The following PTPRD variants were observed in gnomAD, a reference collection of about 807,000 sequenced individuals.
PTPRD encodes the protein receptor-type tyrosine-protein phosphatase delta.
In PTPRD, 34 loss-of-function variants were observed where a neutral mutation model predicts 214.5. The observed-to-expected ratio is 0.16, with a 90% CI of 0.12 to 0.21. The LOEUF (loss-of-function observed/expected upper bound fraction) is 0.21, where lower values mean the gene tolerates loss of function less well. PTPRD is among the 10% of genes least tolerant of loss of function. PTPRD has a pLI of 1.00. For missense variants in PTPRD, 2,545 were observed against 2,398.7 expected (o/e 1.06, Z -1.27); for synonymous variants, 1,128 against 845.7 (o/e 1.33, Z -5.79).
chr9:9,976,122 C>A (rs996404719), intron 4 of PTPRD, among the ~76,000 whole-genome samples: 39 of 152,194 alleles, frequency 2.6e-4, no homozygotes, highest in East Asian at 3.9e-4. Flanking sequence ...ATTTTCAGAT[C>A]CCCCACATCC....
intron 11 of PTPRD, among the ~76,000 whole-genome samples, chr9:8,872,318 G>C (rs2098314796): frequency 6.6e-6 from 1 of 152,158 alleles, no homozygotes; most frequent in African/African-American, 2.4e-5. Context: ...GAGCAACTGT[G>C]TGTGATATGA....
intron 3 of PTPRD, among the ~76,000 whole-genome samples, chr9:10,230,336 A>G (rs898416249): frequency 6.6e-6 from 1 of 151,980 alleles, no homozygotes; most frequent in African/African-American, 2.4e-5. Context: ...ACAAACTAAT[A>G]TAATGTGTAT....
chr9:8,454,540 T>C, intron 33 of PTPRD: 1 of 1,610,470 alleles, frequency 6.2e-7, no homozygotes, highest in Non-Finnish European at 8.5e-7. Context: ...TTTATTTTTT[T>C]CTTACTGAAC....
chr9:10,460,281 A>T, intron 2 of PTPRD, among the ~76,000 whole-genome samples: 1 of 152,134 alleles, frequency 6.6e-6, no homozygotes, highest in East Asian at 1.9e-4. Flanking sequence ...CAGAAACACT[A>T]ACTGTTAAAA....
intron 36 of PTPRD, among the ~76,000 whole-genome samples, chr9:8,392,151 G>A (rs900980562): frequency 2.0e-5 from 3 of 152,076 alleles, no homozygotes; most frequent in African/African-American, 7.2e-5. Flanking sequence ...TTGAGAGGCT[G>A]AGGCAGGAGG....
At chr9:10,386,187 G>C (rs2097911258) in intron 2 of PTPRD, among the ~76,000 whole-genome samples, 2 of 151,822 alleles carry the variant, frequency 1.3e-5, no homozygotes, top group African/African-American at 2.4e-5. Context: ...TTTAGAGCGA[G>C]TTTATATTTC....
At chr9:8,612,240 C>G (rs553307426) in intron 14 of PTPRD, among the ~76,000 whole-genome samples, 1 of 152,216 alleles carries the variant, frequency 6.6e-6, no homozygotes, top group Non-Finnish European at 1.5e-5. Context: ...CAAAACATAT[C>G]TCCTTTACAC....
intron 9 of PTPRD, among the ~76,000 whole-genome samples, chr9:9,392,864 C>A (rs2066372128): frequency 6.6e-6 from 1 of 152,156 alleles, no homozygotes; most frequent in South Asian, 2.1e-4. Flanking sequence ...AACTATATTA[C>A]AGTAATTAGA....
chr9:10,562,517 T>C (rs538028797), intron 2 of PTPRD, among the ~76,000 whole-genome samples: 1 of 152,214 alleles, frequency 6.6e-6, no homozygotes, highest in African/African-American at 2.4e-5. Flanking sequence ...ATACAAATGA[T>C]CCAAAACTTT....
At chr9:8,632,708 C>T (rs1489999818) in intron 14 of PTPRD, among the ~76,000 whole-genome samples, 1 of 151,998 alleles carries the variant, frequency 6.6e-6, no homozygotes, top group Non-Finnish European at 1.5e-5. Context: ...GCAACTCACC[C>T]TGTGCCTTTG....
At chr9:8,700,774 G>A (rs905762280) in intron 12 of PTPRD, 4 of 152,182 alleles carry the variant, frequency 2.6e-5, no homozygotes, top group African/African-American at 9.7e-5. Context: ...GCCAATGTTT[G>A]AGTTGCTAAA....
In PTPRD at chr9:10,410,258, T is replaced by C. The variant is rs572169511; in HGVS notation, c.-599-69241A>G. Among the ~76,000 whole-genome samples the C allele has an allele frequency of 1.1e-4, 15 of 138,714 alleles. 1 individual carries two copies. The East Asian group carries it at 2.2e-3, about 20-fold the overall frequency. The allele number at this position is 138,714 out of a possible 152,430, so 91.0% of individuals were successfully genotyped here. On this transcript the variant is annotated intron_variant, in intron 2 of 45. Coordinates refer to ENST00000381196, the MANE Select transcript of PTPRD (RefSeq NM_002839.4). ...ATTAACTGGACATATTTTGTGTATA[T>C]ATATATATATATACACACACACACA...
chr9:9,209,101 A>C (rs946881338), intron 9 of PTPRD, among the ~76,000 whole-genome samples: 6 of 152,090 alleles, frequency 3.9e-5, no homozygotes, highest in Admixed American at 6.6e-5. Flanking sequence ...AGCCACCGCG[A>C]CCGGCTGACA....
chr9:9,790,348 G>T (rs2098958718), intron 5 of PTPRD, among the ~76,000 whole-genome samples: 1 of 152,070 alleles, frequency 6.6e-6, no homozygotes, highest in African/African-American at 2.4e-5. Flanking sequence ...CTTCCCCAGG[G>T]GCTTGAGAAT....
chr9:9,361,389 A>G (rs1354637266), intron 9 of PTPRD, among the ~76,000 whole-genome samples: 1 of 151,106 alleles, frequency 6.6e-6, no homozygotes, highest in Non-Finnish European at 1.5e-5. Flanking sequence ...ATTTATTTCT[A>G]GATTAGTATT....
chr9:10,297,776 G>A (rs611275), intron 3 of PTPRD, among the ~76,000 whole-genome samples: 3 of 151,972 alleles, frequency 2.0e-5, no homozygotes, highest in Admixed American at 2.0e-4. Context: ...ACAGCTACTG[G>A]AAAATGACAG....
At chr9:8,673,965 C>T (rs151320895) in intron 12 of PTPRD, among the ~76,000 whole-genome samples, 4 of 152,240 alleles carry the variant, frequency 2.6e-5, no homozygotes, top group African/African-American at 9.6e-5. Context: ...CGTCTCCAAA[C>T]GTTACCAAAT....
chr9:10,123,080 T>C (rs2098789240), intron 3 of PTPRD, among the ~76,000 whole-genome samples: 1 of 152,154 alleles, frequency 6.6e-6, no homozygotes, highest in Non-Finnish European at 1.5e-5. Context: ...AAACAAAGCA[T>C]AGTAAAAAGC....
At chr9:9,952,117 T>C (rs778438581) in intron 4 of PTPRD, among the ~76,000 whole-genome samples, 18 of 152,138 alleles carry the variant, frequency 1.2e-4, no homozygotes, top group Non-Finnish European at 2.4e-4. Flanking sequence ...ATCTGAGAAC[T>C]CACCACCTGA....
Sources: allele counts gnomAD v4.1 joint callset (sites outside exome capture counted in the v4.1 genomes callset), GRCh38; gene constraint gnomAD v4.1.1; transcripts MANE v1.5; gene names NCBI Gene and HGNC (gene_info 2026-07-23, HGNC 2026-07-21).